The following LMBR1 variants were observed in gnomAD, a reference collection of about 807,000 sequenced individuals.
The protein encoded by LMBR1 is limb region 1 protein homolog.
In LMBR1, 52 loss-of-function variants were observed where a neutral mutation model predicts 73.9. The ratio of observed to expected loss-of-function variants is 0.70; its 90% CI spans 0.56 to 0.89. The LOEUF (loss-of-function observed/expected upper bound fraction) is 0.89, where lower values mean the gene tolerates loss of function less well. LMBR1 is among the 40% of genes least tolerant of loss of function. The pLI is 0.00. For synonymous variants in LMBR1, 215 were observed against 209.4 expected, an observed-to-expected ratio of 1.03 and a Z score of -0.23; for missense variants, 539 against 579.8, an observed-to-expected ratio of 0.93 and a Z score of 0.72.
chr7:156,692,674 G>A (rs1472026564), intron 15 of LMBR1, among the ~76,000 whole-genome samples: 1 of 152,168 alleles, frequency 6.6e-6, no homozygotes, highest in Non-Finnish European at 1.5e-5. Context: ...GAGAAGAGCT[G>A]AGGAGAGCTC....
intron 10 of LMBR1, among the ~76,000 whole-genome samples, chr7:156,732,410 G>A (rs1486355011): frequency 6.6e-6 from 1 of 152,176 alleles, no homozygotes; most frequent in Admixed American, 6.5e-5. Context: ...GGGAGACTAT[G>A]TCAGCTGGAG....
chr7:156,753,498 T>C (rs1037221082), intron 9 of LMBR1, among the ~76,000 whole-genome samples: 18 of 152,030 alleles, frequency 1.2e-4, no homozygotes, highest in East Asian at 3.9e-4. Context: ...AGCAAGAAAG[T>C]GGCAGTTGAA....
chr7:156,702,731 T>G (rs1051659031), intron 15 of LMBR1, among the ~76,000 whole-genome samples: 1 of 152,256 alleles, frequency 6.6e-6, no homozygotes, highest in Admixed American at 6.5e-5. Context: ...ACTCTTAGCA[T>G]ATGATCCAAG....
At chr7:156,782,570 G>A (rs1220125275) in intron 5 of LMBR1, among the ~76,000 whole-genome samples, 1 of 151,886 alleles carries the variant, frequency 6.6e-6, no homozygotes, top group African/African-American at 2.4e-5. Context: ...TTTGAAACAG[G>A]GTCTCACTTT....
chr7:156,806,664 C>A (rs1208391333), intron 4 of LMBR1, among the ~76,000 whole-genome samples: 1 of 123,924 alleles, frequency 8.1e-6, no homozygotes, highest in Admixed American at 1.1e-4. Flanking sequence ...GGCTGGAGTG[C>A]AGTGGTGCGA....
chr7:156,817,673 T>C (rs987494687), intron 4 of LMBR1, among the ~76,000 whole-genome samples: 2 of 152,116 alleles, frequency 1.3e-5, no homozygotes, highest in African/African-American at 4.8e-5. Flanking sequence ...AAATAATATG[T>C]CCATTGTATA....
In LMBR1 at chr7:156,833,579, ATTG is replaced by A. The variant is rs772090782; in HGVS notation, c.179+171_179+173del. ...TTAAATATGCAAATTCCAATAGGAG[ATTG>A]GATTATCCACACATATTTGCTTACA... On this transcript the variant is annotated intron_variant, in intron 3 of 16. Transcript: ENST00000353442. 0.4 allele frequency: 228,067 copies of A among 566,200 alleles called. 48,259 individuals carry two copies. The highest frequency in any genetic ancestry group is 0.68 in the East Asian group (20,183 of 29,606). The allele number at this position is 566,200 out of a possible 1,614,324, so 35.1% of individuals were successfully genotyped here. A position where few individuals can be genotyped will look rare whatever the true frequency, so the allele number is the denominator to read the frequency against.
Position 156,728,695 on chromosome 7 carries a change from C to T in LMBR1, c.864G>A (p.Trp288Ter). 1 of 1,602,730 alleles carries T rather than the reference C, an allele frequency of 6.2e-7. No individual in the cohort carries two copies. Among genetic ancestry groups the T allele is most frequent in the Non-Finnish European group, 8.5e-7 (1 of 1,176,968 alleles). The change falls in exon 11 of 17, where the codon TGG becomes TGA. Residue 288 changes from tryptophan to a stop codon, truncating the protein, a stop_gained. Coordinates refer to ENST00000353442, the MANE Select transcript of LMBR1 (RefSeq NM_022458.4). LOFTEE classifies it high-confidence loss of function. ...CAGCGGGATACACCAAATTTCTTTC[C>T]CATGCTGAAGCCTTTTTTCGCCTCT... ...KLERRKKASA[W>*]ERNLVYPAVM...
intron 5 of LMBR1, among the ~76,000 whole-genome samples, chr7:156,789,161 A>G (rs960592290): frequency 2.6e-5 from 4 of 152,252 alleles, no homozygotes; most frequent in Admixed American, 6.5e-5. Context: ...CAATATATTG[A>G]ATCCTAACTT....
Position 156,680,382 on chromosome 7 carries a change from G to GAGAGAC in LMBR1, c.*3695_*3696insGTCTCT, listed in dbSNP as rs1031545736. The GAGAGAC allele has an allele frequency of 2.8e-5, 4 of 141,070 alleles. No homozygotes were observed. The highest frequency in any genetic ancestry group is 1.1e-4 in the African/African-American group (4 of 35,876). 8.7% of individuals were successfully genotyped at this position (141,070 alleles called of 1,614,324 possible). A position where few individuals can be genotyped will look rare whatever the true frequency, so the allele number is the denominator to read the frequency against. On this transcript the variant is annotated 3_prime_UTR_variant, in exon 17 of 17. Coordinates refer to ENST00000353442, the MANE Select transcript of LMBR1 (RefSeq NM_022458.4). ...CTTATACGTATCTGAGAGACAGAGA[G>GAGAGAC]AGAGAGAGAGAGAGAGAGAGAGTGT...
At chr7:156,729,132 C>T (rs1215111963) in intron 10 of LMBR1, among the ~76,000 whole-genome samples, 1 of 152,158 alleles carries the variant, frequency 6.6e-6, no homozygotes, top group Non-Finnish European at 1.5e-5. Context: ...GCACGAACTA[C>T]GATACCCAGA....
intron 1 of LMBR1, among the ~76,000 whole-genome samples, chr7:156,870,977 T>A (rs1799197844): frequency 6.7e-6 from 1 of 150,244 alleles, no homozygotes; most frequent in Non-Finnish European, 1.5e-5. Flanking sequence ...CAGAAATAAA[T>A]AAAATAAAAA....
At chr7:156,845,042 T>C (rs2134010173) in intron 1 of LMBR1, among the ~76,000 whole-genome samples, 1 of 152,278 alleles carries the variant, frequency 6.6e-6, no homozygotes, top group South Asian at 2.1e-4. Flanking sequence ...GAAGAATAAG[T>C]ATCATAAAAG....
At chr7:156,888,276 G>A (rs537451392) in intron 1 of LMBR1, among the ~76,000 whole-genome samples, 44 of 152,160 alleles carry the variant, frequency 2.9e-4, no homozygotes, top group Admixed American at 1.8e-3. Context: ...TGGGCGTGGT[G>A]GCGGGTGCCT....
Position 156,669,849 on chromosome 7 carries a change from C to T in LMBR1, n.867-562G>A, listed in dbSNP as rs1288776013. ...CAGATGAGACGTGCAGTTGGGCCTG[C>T]AGCACGCAGGGCTTGGGGACTCTGT... On this transcript the variant is annotated intron_variant and non_coding_transcript_variant, in intron 4 of 4. Coordinates refer to the LMBR1 transcript ENST00000430825. This position sits in a 1 kb window ranked among gnomAD's most constrained non-coding sequence, Gnocchi z 4.2. Among the ~76,000 whole-genome samples the T allele has an allele frequency of 2.0e-5, 3 of 152,176 alleles. No individual in the cohort carries two copies. Among genetic ancestry groups the T allele is most frequent in the Non-Finnish European group, 2.9e-5 (2 of 68,036 alleles).
Position 156,846,614 on chromosome 7 carries a change from C to T in LMBR1, c.67-9729G>A, listed in dbSNP as rs1056927530. ...ATATTGTCAAGATGTCGGTTCTTCCCAACTTCATCTATACATTCAGTGCGA... is the reference window on the plus strand; with the variant it reads ...ATATTGTCAAGATGTCGGTTCTTCCTAACTTCATCTATACATTCAGTGCGA... On this transcript the variant is annotated intron_variant, in intron 1 of 16. Transcript: ENST00000353442. Among the ~76,000 whole-genome samples, 9 of 152,210 alleles carry T rather than the reference C, an allele frequency of 5.9e-5. No individual in the cohort carries two copies. The South Asian group carries it at 1.2e-3, about 21-fold the overall frequency.
At chr7:156,739,725 G>C (rs1818545489) in intron 9 of LMBR1, among the ~76,000 whole-genome samples, 2 of 152,112 alleles carry the variant, frequency 1.3e-5, no homozygotes, top group Admixed American at 1.3e-4. Context: ...AGCATTATTG[G>C]GCTTGAGGGC....
downstream of LMBR1, among the ~76,000 whole-genome samples, chr7:156,674,027 A>T (rs1392786251): frequency 6.6e-6 from 1 of 152,126 alleles, no homozygotes; most frequent in Non-Finnish European, 1.5e-5. Flanking sequence ...AATGTGTGAG[A>T]TCTCCACGGG....
At chr7:156,688,493 G>A (rs1220513619) in intron 15 of LMBR1, among the ~76,000 whole-genome samples, 4 of 151,960 alleles carry the variant, frequency 2.6e-5, no homozygotes, top group African/African-American at 4.8e-5. Flanking sequence ...TCAAGCACTC[G>A]TGCTGCTTAC....
Sources: allele counts gnomAD v4.1 joint callset (sites outside exome capture counted in the v4.1 genomes callset), GRCh38; gene constraint gnomAD v4.1.1; non-coding constraint Gnocchi (gnomAD v3.1); transcripts MANE v1.5; gene names NCBI Gene and HGNC (gene_info 2026-07-23, HGNC 2026-07-21).